Variants in ABCC11 observed in about 807,000 individuals in gnomAD.
The protein encoded by ABCC11 is ATP binding cassette subfamily C member 11, also known as ATP-binding cassette sub-family C member 11.
In ABCC11, 135 loss-of-function variants were observed where a neutral mutation model predicts 149.3. That is an observed-to-expected ratio of 0.90 (90% CI 0.79 to 1.04). The LOEUF (loss-of-function observed/expected upper bound fraction) is 1.04. Among genes scored for constraint, ABCC11 ranks in the 50% least tolerant of loss-of-function variants. ABCC11 has a pLI of 0.00. For missense variants in ABCC11, 1,680 were observed against 1,722.1 expected (o/e 0.98, Z 0.43); for synonymous variants, 665 against 671.4 (o/e 0.99, Z 0.15).
chr16:48,177,582 T>G (rs1966167516), intron 24 of ABCC11, among the ~76,000 whole-genome samples: 1 of 152,162 alleles, frequency 6.6e-6, no homozygotes, highest in African/African-American at 2.4e-5. Flanking sequence ...TTAACGTAAG[T>G]TCCACAACTT....
intron 23 of ABCC11, among the ~76,000 whole-genome samples, chr16:48,182,406 CA>C (rs1195890808): frequency 6.6e-6 from 1 of 152,104 alleles, no homozygotes; most frequent in African/African-American, 2.4e-5. Flanking sequence ...TGAGCTGGTG[CA>C]ATGCCAGGCA....
Position 48,210,957 on chromosome 16 carries a change from C to G in ABCC11, c.1599G>C (p.Val533=). The G allele has an allele frequency of 1.2e-6, 2 of 1,614,172 alleles. No homozygotes were observed. The highest frequency in any genetic ancestry group is 1.7e-6 in the Non-Finnish European group (2 of 1,180,024). The change falls in exon 11 of 30, where the codon GTG becomes GTC. Residue 533 remains valine (V), a synonymous_variant. Transcript: ENST00000356608. The part of the protein sequence containing the change: ...LGPELHKINL[V]VSKGMMLGVC... ...GCCTGAACAAGGCTACCTTGGACAC[C>G]ACCAGGTTGATCTTGTGCAACTCTG... is the stretch of plus-strand genomic sequence containing the variant.
rs1359872352 is a variant in ABCC11 at position 48,170,243 on chromosome 16, C to T, written c.3778-25G>A. The T allele has an allele frequency of 1.9e-6, 3 of 1,591,852 alleles. No individual in the cohort carries two copies. In the South Asian group the frequency reaches 3.3e-5, roughly 18 times the overall value. ...TCTGCGATATGGGAAGAAGAGACAA[C>T]ATAACCTGGAAGCCACTGTGGGGTG... On this transcript the variant is annotated intron_variant, in intron 27 of 29. Transcript: ENST00000356608.
intron 17 of ABCC11, 82 bp downstream of exon 17, chr16:48,197,889 G>A (rs1009515510): frequency 7.0e-7 from 1 of 1,437,644 alleles, no homozygotes; most frequent in Non-Finnish European, 9.7e-7. Flanking sequence ...GGCCCAGTCT[G>A]GGGTCAAGGA....
At chr16:48,233,371 A>G (rs1596853811) in intron 1 of ABCC11, among the ~76,000 whole-genome samples, 1 of 152,220 alleles carries the variant, frequency 6.6e-6, no homozygotes, top group African/African-American at 2.4e-5. Flanking sequence ...CAGTTGCTGG[A>G]ATTTTCCTAC....
intron 23 of ABCC11, among the ~76,000 whole-genome samples, chr16:48,180,999 C>A (rs900673685): frequency 1.3e-5 from 2 of 152,216 alleles, no homozygotes; most frequent in Non-Finnish European, 2.9e-5. Flanking sequence ...GGTGCAACAA[C>A]CTTTGAGCAA....
chr16:48,187,731 T>C (rs919807412), intron 20 of ABCC11, among the ~76,000 whole-genome samples: 2 of 152,120 alleles, frequency 1.3e-5, no homozygotes, highest in Non-Finnish European at 2.9e-5. Flanking sequence ...TCCTCAAATA[T>C]ACTAAACACT....
At chr16:48,193,455 C>A (rs907959499) in intron 19 of ABCC11, among the ~76,000 whole-genome samples, 6 of 152,158 alleles carry the variant, frequency 3.9e-5, no homozygotes, top group Admixed American at 6.5e-5. Context: ...ACAGTGGAAC[C>A]TTCCTCTGAA....
rs1352586732 is a variant in ABCC11, at chr16:48,200,124, G to A, written c.2082+152C>T. ...TGTGTGGAAAGCAGAGGAAATCCAA[G>A]TTTTTTACAGCCCTCCCCAAATGTG... is the stretch of plus-strand genomic sequence containing the variant. On this transcript the variant is annotated intron_variant, in intron 15 of 29. Coordinates refer to ENST00000356608, the MANE Select transcript of ABCC11 (RefSeq NM_001370497.1). 9.1e-6 allele frequency: 7 copies of A among 765,956 alleles called. No individual in the cohort carries two copies. In the Admixed American group the frequency reaches 1.6e-4, roughly 18 times the overall value. 47.4% of individuals were successfully genotyped at this position (765,956 alleles called of 1,614,324 possible).
At chr16:48,224,572 C>T (rs1380524605) in intron 4 of ABCC11, 143 bp from the exon 5 acceptor site, 9 of 877,816 alleles carry the variant, frequency 1.0e-5, no homozygotes, top group Non-Finnish European at 1.2e-5. Flanking sequence ...GAGTACTCAT[C>T]CCCCTTTCCA....
intron 6 of ABCC11, among the ~76,000 whole-genome samples, chr16:48,222,378 T>A (rs763209630): frequency 1.3e-5 from 2 of 152,186 alleles, no homozygotes; most frequent in Non-Finnish European, 2.9e-5. Flanking sequence ...TCCTCTCTAG[T>A]CTCTGAATGT....
At chr16:48,245,695 A>G (rs1459377402) in intron 1 of ABCC11, among the ~76,000 whole-genome samples, 2 of 152,190 alleles carry the variant, frequency 1.3e-5, no homozygotes. Context: ...TGATTAATAC[A>G]TTTTATATGG....
chr16:48,170,167 T>A lies in ABCC11; in HGVS notation c.3829A>T (p.Asn1277Tyr), dbSNP rs61739606. The A allele has an allele frequency of 0.095, 153,564 of 1,613,788 alleles. 8,119 individuals are homozygous for A. Among genetic ancestry groups the A allele is most frequent in the Middle Eastern group, 0.12 (734 of 6,062 alleles). Residue 1277 changes from asparagine (N) to tyrosine (Y), a missense_variant, in exon 28 of 30, where the codon AAC becomes TAC. Coordinates refer to ENST00000356608, the MANE Select transcript of ABCC11 (RefSeq NM_001370497.1). ...LHTDVVENGGNFSVGERQLLC... is the reference protein window; with the variant it reads ...LHTDVVENGGYFSVGERQLLC... Reference sequence around the variant, plus strand: ...AGCTGCCTCTCCCCCACAGAGAAGTTTCCACCGTTTTCCACCACATCTGTA... The same window carrying A: ...AGCTGCCTCTCCCCCACAGAGAAGTATCCACCGTTTTCCACCACATCTGTA...
downstream of ABCC11, chr16:48,165,077 C>T (rs773118669): frequency 6.6e-6 from 1 of 152,026 alleles, no homozygotes; most frequent in African/African-American, 2.4e-5. Flanking sequence ...AAGGAAAAGA[C>T]GGCAGCTGCA....
intron 1 of ABCC11, among the ~76,000 whole-genome samples, chr16:48,246,299 T>A (rs762007260): frequency 4.6e-5 from 7 of 152,224 alleles, no homozygotes; most frequent in Non-Finnish European, 1.0e-4. Flanking sequence ...CAGTACTCTT[T>A]GATAAATTGT....
intron 1 of ABCC11, among the ~76,000 whole-genome samples, chr16:48,236,103 T>C (rs1336569515): frequency 6.6e-6 from 1 of 152,238 alleles, no homozygotes; most frequent in Non-Finnish European, 1.5e-5. Context: ...TACCTCGCCC[T>C]GTGCTATTTA....
At chr16:48,202,732 T>C (rs1968100027) in intron 14 of ABCC11, among the ~76,000 whole-genome samples, 2 of 152,138 alleles carry the variant, frequency 1.3e-5, no homozygotes, top group Admixed American at 6.5e-5. Context: ...ACCTTGCATG[T>C]AGTAAGTGTT....
At chr16:48,186,200 G>A (rs947048672) in intron 22 of ABCC11, among the ~76,000 whole-genome samples, 6 of 152,090 alleles carry the variant, frequency 3.9e-5, no homozygotes, top group East Asian at 1.9e-4. Context: ...AGCACATACC[G>A]TCTCCCAAAT....
chr16:48,190,748 A>C (rs1400020322), intron 20 of ABCC11, among the ~76,000 whole-genome samples: 1 of 152,236 alleles, frequency 6.6e-6, no homozygotes, highest in Non-Finnish European at 1.5e-5. Context: ...AATGAGGATA[A>C]TATCCACTTC....
Sources: gnomAD v4.1 joint callset for allele counts (sites outside exome capture counted in the v4.1 genomes callset) on GRCh38, gnomAD v4.1.1 for gene constraint, MANE v1.5 for transcripts, NCBI Gene and HGNC (gene_info 2026-07-23, HGNC 2026-07-21) for gene names.